BLTP1: variants seen among roughly 807,000 people sequenced by gnomAD.
The protein encoded by BLTP1 is bridge-like lipid transfer protein family member 1.
chr4:122,197,123 A>G, the BLTP1 span: 1 of 783,882 alleles, frequency 1.3e-6, no homozygotes, highest in South Asian at 2.2e-5. Flanking sequence ...TTCTGTAATA[A>G]TAACTGAAAA....
At chr4:122,159,038 G>C in the BLTP1 span, among the ~76,000 whole-genome samples, 6 of 152,174 alleles carry the variant, frequency 3.9e-5, no homozygotes, top group Non-Finnish European at 7.4e-5. Context: ...CTTTTGCCTA[G>C]TATTTGATTT....
the BLTP1 span, chr4:122,286,425 C>G: frequency 2.0e-6 from 3 of 1,495,510 alleles, no homozygotes; most frequent in East Asian, 6.9e-5. Flanking sequence ...TCATATATTT[C>G]AAGATAGGTT....
At chr4:122,312,667 T>TA in the BLTP1 span, 1 of 191,440 alleles carries the variant, frequency 5.2e-6, no homozygotes, top group Non-Finnish European at 9.6e-6. Flanking sequence ...TGGCAGTCTT[T>TA]AAAAAAACAT....
the BLTP1 span, chr4:122,170,036 G>A: frequency 2.0e-6 from 2 of 976,816 alleles, no homozygotes; most frequent in African/African-American, 3.5e-5. Context: ...GCTGGGCGCG[G>A]TGGCTCACGC....
chr4:122,265,068 A>AGAG, the BLTP1 span, among the ~76,000 whole-genome samples: 1 of 152,106 alleles, frequency 6.6e-6, no homozygotes, highest in South Asian at 2.1e-4. Context: ...GACGTGGGTG[A>AGAG]GAGGAGGCAT....
At chr4:122,179,812 T>C in the BLTP1 span, 1 of 981,852 alleles carries the variant, frequency 1.0e-6, no homozygotes, top group African/African-American at 1.8e-5. Context: ...CCCACACAAG[T>C]GCTAGTACAC....
chr4:122,165,001 G>A, the BLTP1 span, among the ~76,000 whole-genome samples: 1 of 152,050 alleles, frequency 6.6e-6, no homozygotes, highest in Non-Finnish European at 1.5e-5. Context: ...AAATACAAAC[G>A]TATGCACTGT....
chr4:122,301,281 G>T, the BLTP1 span: 1 of 1,543,684 alleles, frequency 6.5e-7, no homozygotes, highest in Non-Finnish European at 8.7e-7. Flanking sequence ...AAATTGTCCC[G>T]AACTCTTCTT....
chr4:122,235,327 A>G, the BLTP1 span: 2 of 982,654 alleles, frequency 2.0e-6, no homozygotes, highest in Non-Finnish European at 2.4e-6. Context: ...CACAGCATCC[A>G]GATAAATACT....
the BLTP1 span, chr4:122,251,357 A>G: frequency 5.1e-6 from 5 of 975,528 alleles, no homozygotes; most frequent in Non-Finnish European, 6.1e-6. Context: ...CAAAGAAACC[A>G]CTTTTTAATT....
chr4:122,246,367 A>G, the BLTP1 span: 2 of 1,325,444 alleles, frequency 1.5e-6, no homozygotes, highest in African/African-American at 3.0e-5. Context: ...TGTCCTTTTC[A>G]GTTACCAACG....
chr4:122,343,348 ATAT>A, the BLTP1 span: 47 of 1,595,948 alleles, frequency 2.9e-5, no homozygotes, highest in Non-Finnish European at 4.0e-5. Context: ...TCTTAAGAAC[ATAT>A]TATTGACTGG....
chr4:122,322,910 A>G, the BLTP1 span, among the ~76,000 whole-genome samples: 2,664 of 152,070 alleles, frequency 0.018, 79 homozygotes, highest in African/African-American at 0.061. Context: ...TGTTTTTTCA[A>G]AATGTTTCCT....
At chr4:122,352,182 C>A in the BLTP1 span, among the ~76,000 whole-genome samples, 1 of 152,044 alleles carries the variant, frequency 6.6e-6, no homozygotes, top group Non-Finnish European at 1.5e-5. Context: ...ATTTCTAGGT[C>A]TTCCAGTTAC....
At chr4:122,276,474 T>C in the BLTP1 span, 5 of 981,766 alleles carry the variant, frequency 5.1e-6, no homozygotes, top group African/African-American at 5.2e-5. Context: ...GACTACTCTG[T>C]TAATAGATTT....
chr4:122,328,358 G>A, the BLTP1 span: 10 of 1,602,682 alleles, frequency 6.2e-6, no homozygotes, highest in Middle Eastern at 1.7e-4. Flanking sequence ...GGAAACCCTC[G>A]TGAGTAACCT....
At chr4:122,230,568 C>T in the BLTP1 span, among the ~76,000 whole-genome samples, 1 of 152,120 alleles carries the variant, frequency 6.6e-6, no homozygotes, top group Non-Finnish European at 1.5e-5. Flanking sequence ...ATCATTCATT[C>T]CTAGAAATCA....
chr4:122,360,315 A>G, the BLTP1 span, among the ~76,000 whole-genome samples: 1 of 152,118 alleles, frequency 6.6e-6, no homozygotes, highest in Admixed American at 6.6e-5. Context: ...CAAAATTTCA[A>G]AAGTATTTTT....
chr4:122,278,866 A>AAACTCCCGAGCTCG, the BLTP1 span, among the ~76,000 whole-genome samples: 1 of 152,186 alleles, frequency 6.6e-6, no homozygotes, highest in South Asian at 2.1e-4. Context: ...TCCCGAGCTC[A>AAACTCCCGAGCTCG]AGTGATCTGC....
Sources: gnomAD v4.1 joint callset for allele counts (sites outside exome capture counted in the v4.1 genomes callset) on GRCh38, gnomAD v4.1.1 for gene constraint, MANE v1.5 for transcripts, NCBI Gene and HGNC (gene_info 2026-07-23, HGNC 2026-07-21) for gene names.